Variants in ASAP2 observed in about 807,000 individuals in gnomAD.
ASAP2 encodes the protein ArfGAP with SH3 domain, ankyrin repeat and PH domain 2.
ASAP2 carries 45 observed loss-of-function variants against 131.4 expected under a neutral mutation model. That is an observed-to-expected ratio of 0.34 (90% confidence interval 0.27 to 0.44). ASAP2 has a LOEUF of 0.44. ASAP2 is among the 20% of genes least tolerant of loss of function. The pLI, the probability that ASAP2 is intolerant of heterozygous loss-of-function variation, is 1.00. For missense variants in ASAP2, 1,011 were observed against 1,297.0 expected (o/e 0.78, Z 3.39); for synonymous variants, 510 against 503.0 (o/e 1.01, Z -0.19).
intron 12 of ASAP2, among the ~76,000 whole-genome samples, chr2:9,353,524 TC>T (rs1183365398): frequency 6.6e-5 from 10 of 151,436 alleles, no homozygotes; most frequent in Admixed American, 6.6e-4. Flanking sequence ...GCCATTGCAC[TC>T]CAGCTTGGAC....
In ASAP2 at chr2:9,300,008, G is replaced by T. The variant is rs146632022; in HGVS notation, c.345+2563G>T. On this transcript the variant is annotated intron_variant, in intron 3 of 27. Coordinates refer to ENST00000281419, the MANE Select transcript of ASAP2 (RefSeq NM_003887.3). ...CACTTTGGGAGGCCAAGGTGGGCGG[G>T]TTGCTTTGAACCCAGGAGTTCAAGA... is the stretch of plus-strand genomic sequence containing the variant. Among the ~76,000 whole-genome samples the T allele has an allele frequency of 3.6e-3, 548 of 152,276 alleles. 3 individuals are homozygous for T. The highest frequency in any genetic ancestry group is 0.013 in the African/African-American group (522 of 41,534).
chr2:9,301,820 CTTTTTTTTTTT>C (rs1177064910), intron 3 of ASAP2, among the ~76,000 whole-genome samples: 5 of 115,410 alleles, frequency 4.3e-5, no homozygotes, highest in African/African-American at 7.0e-5. Context: ...TATCCATCAT[CTTTTTTTTTTT>C]TTTTTTTTTT....
intron 23 of ASAP2, among the ~76,000 whole-genome samples, chr2:9,391,576 C>CTTTTTTTTTTTT (rs397869342): frequency 2.2e-5 from 3 of 135,144 alleles, no homozygotes; most frequent in Non-Finnish European, 3.2e-5. Flanking sequence ...TTTTCTTTTT[C>CTTTTTTTTTTTT]TTTTTTTTTT....
intron 9 of ASAP2, among the ~76,000 whole-genome samples, chr2:9,344,007 GT>G (rs2148602410): frequency 6.6e-6 from 1 of 152,328 alleles, no homozygotes; most frequent in East Asian, 1.9e-4. Flanking sequence ...ACTTGTTGAT[GT>G]TCACATGTGT....
intron 1 of ASAP2, among the ~76,000 whole-genome samples, chr2:9,275,194 C>T (rs760203147): frequency 1.3e-5 from 2 of 151,880 alleles, no homozygotes; most frequent in African/African-American, 2.4e-5. Context: ...GATCCTCCCT[C>T]CTCAGCCTGG....
intron 1 of ASAP2, among the ~76,000 whole-genome samples, chr2:9,250,463 G>T (rs1330604685): frequency 6.6e-6 from 1 of 152,194 alleles, no homozygotes; most frequent in Non-Finnish European, 1.5e-5. Context: ...TGTGGCCCTT[G>T]GGTGGGAATT....
intron 1 of ASAP2, among the ~76,000 whole-genome samples, chr2:9,247,372 C>G (rs1558263456): frequency 6.6e-6 from 1 of 152,198 alleles, no homozygotes; most frequent in African/African-American, 2.4e-5. Context: ...CCAGACGGTC[C>G]CCGGTCCTCA....
rs768130435 is a variant in ASAP2, at chr2:9,327,823, C to T, written c.601-3C>T. 1.9e-6 allele frequency: 3 copies of T among 1,586,452 alleles called. No homozygotes were observed. The highest frequency in any genetic ancestry group is 1.7e-6 in the Non-Finnish European group (2 of 1,169,224). On this transcript the variant is annotated splice_region_variant and splice_polypyrimidine_tract_variant and intron_variant, in intron 6 of 27. Transcript: ENST00000281419. The stretch of plus-strand genomic sequence containing the variant: ...ATGACATTTCCTTTTCATTGTTCAA[C>T]AGTATCTGCTGAAGGTCAACGAAAT...
chr2:9,254,476 C>A (rs1177619673), intron 1 of ASAP2, among the ~76,000 whole-genome samples: 2 of 146,388 alleles, frequency 1.4e-5, no homozygotes, highest in African/African-American at 2.5e-5. Flanking sequence ...CCTCAGCCTC[C>A]CAAGTAGCTG....
rs1553297027 is a variant in ASAP2 at position 9,254,254 on chromosome 2, T to TATATATATATATTATATATAC, written c.127-25062_127-25061insTATATATATATTATATATACA. 3.5e-3 allele frequency among the ~76,000 whole-genome samples: 233 copies of TATATATATATATTATATATAC among 65,666 alleles called. 6 individuals are homozygous for TATATATATATATTATATATAC. Among genetic ancestry groups the TATATATATATATTATATATAC allele is most frequent in the African/African-American group, 0.016 (220 of 13,470 alleles). The allele number at this position is 65,666 out of a possible 152,430, so 43.1% of individuals were successfully genotyped here. On this transcript the variant is annotated intron_variant, in intron 1 of 27. Transcript: ENST00000281419. Reference sequence around the variant, plus strand: ...AAAAAAAAATATATATATATATATATACACGTGTGTGTGTATGCATATATA... The same window carrying TATATATATATATTATATATAC: ...AAAAAAAAATATATATATATATATATATATATATATATTATATATACACACGTGTGTGTGTATGCATATATA...
intron 12 of ASAP2, among the ~76,000 whole-genome samples, chr2:9,355,299 A>G (rs891728118): frequency 6.6e-6 from 1 of 152,084 alleles, no homozygotes; most frequent in Non-Finnish European, 1.5e-5. Flanking sequence ...CTGTAGTCTC[A>G]CTTGTTTTTC....
At chr2:9,340,325 A>G (rs111849326) in intron 9 of ASAP2, among the ~76,000 whole-genome samples, 1 of 152,194 alleles carries the variant, frequency 6.6e-6, no homozygotes, top group South Asian at 2.1e-4. Flanking sequence ...CCGGCCAGCC[A>G]TGTCTGCAAC....
chr2:9,333,347 C>T (rs928892957), intron 7 of ASAP2, among the ~76,000 whole-genome samples: 1 of 152,196 alleles, frequency 6.6e-6, no homozygotes, highest in East Asian at 1.9e-4. Context: ...CTGTTTTAAA[C>T]AATCACACTA....
In ASAP2 at chr2:9,402,838, C is replaced by T. The variant is rs565961807; in HGVS notation, c.2947-415C>T. ...TGAAGCCTTCCACAAGTACTTAACT[C>T]ATTGAAATGGGGCCAACTTATACCT... On this transcript the variant is annotated intron_variant, in intron 27 of 27. Transcript: ENST00000281419. 5.3e-5 allele frequency among the ~76,000 whole-genome samples: 8 copies of T among 152,324 alleles called. 1 individual carries two copies. Among genetic ancestry groups the T allele is most frequent in the African/African-American group, 1.9e-4 (8 of 41,574 alleles).
Position 9,373,547 on chromosome 2 carries a change from G to A in ASAP2, c.1557-1208G>A, listed in dbSNP as rs1674150934. ...CCCTGCCTCCAGTGGCATGTCCAGG[G>A]AGCTCAGGCTCCCCTTCTGGGGGGC... is the stretch of plus-strand genomic sequence containing the variant. On this transcript the variant is annotated intron_variant, in intron 16 of 27. Transcript: ENST00000281419. 2.0e-5 allele frequency among the ~76,000 whole-genome samples: 3 copies of A among 152,354 alleles called. No individual in the cohort carries two copies. In the South Asian group the frequency reaches 6.2e-4, roughly 32 times the overall value.
intron 3 of ASAP2, among the ~76,000 whole-genome samples, chr2:9,312,307 A>T (rs1432332841): frequency 6.6e-6 from 1 of 152,206 alleles, no homozygotes; most frequent in East Asian, 1.9e-4. Flanking sequence ...CAAAGAGAAA[A>T]ACCGTGAATG....
intron 1 of ASAP2, among the ~76,000 whole-genome samples, chr2:9,218,955 T>C (rs1662236745): frequency 6.6e-6 from 1 of 152,252 alleles, no homozygotes; most frequent in African/African-American, 2.4e-5. Flanking sequence ...GTACTTGAGC[T>C]GGAATCCCAA....
chr2:9,393,284 C>G (rs1195707119), intron 23 of ASAP2, among the ~76,000 whole-genome samples, 198 bp from the exon 24 acceptor site: 1 of 152,194 alleles, frequency 6.6e-6, no homozygotes, highest in Non-Finnish European at 1.5e-5. Flanking sequence ...CTCCCAGCTT[C>G]CTTATTAGTT....
chr2:9,248,860 A>C (rs187333467), intron 1 of ASAP2, among the ~76,000 whole-genome samples: 1 of 152,154 alleles, frequency 6.6e-6, no homozygotes, highest in African/African-American at 2.4e-5. Context: ...CTCTGATGTG[A>C]GCTCAGTGTT....
Sources: allele counts gnomAD v4.1 joint callset (sites outside exome capture counted in the v4.1 genomes callset), GRCh38; gene constraint gnomAD v4.1.1; transcripts MANE v1.5; gene names NCBI Gene and HGNC (gene_info 2026-07-23, HGNC 2026-07-21).